Variants in CALN1 observed in about 807,000 individuals in gnomAD.
CALN1 encodes the protein calcium-binding protein 8.
A neutral mutation model predicts 30.6 loss-of-function variants in CALN1; 17 were observed. That is an observed-to-expected ratio of 0.56 (90% confidence interval 0.38 to 0.83). CALN1 has a LOEUF of 0.83. Ranked by LOEUF, CALN1 falls within the 40% of genes least tolerant of loss-of-function variation. CALN1 has a pLI of 0.00. For missense variants in CALN1, 291 were observed against 354.9 expected (o/e 0.82, Z 1.45); for synonymous variants, 156 against 131.4 (o/e 1.19, Z -1.28).
At chr7:72,256,131 T>G (rs1795897843) in intron 3 of CALN1, among the ~76,000 whole-genome samples, 1 of 152,198 alleles carries the variant, frequency 6.6e-6, no homozygotes, top group Non-Finnish European at 1.5e-5. Context: ...TGGGGGCTTT[T>G]TTGCCCCTAC....
At chr7:72,058,171 A>G (rs1803389566) in intron 4 of CALN1, among the ~76,000 whole-genome samples, 1 of 152,170 alleles carries the variant, frequency 6.6e-6, no homozygotes, top group African/African-American at 2.4e-5. Flanking sequence ...CGTGCTACCA[A>G]GTCTTATCCA....
chr7:72,006,933 T>A (rs1374388804), intron 5 of CALN1, among the ~76,000 whole-genome samples: 2 of 152,084 alleles, frequency 1.3e-5, no homozygotes, highest in African/African-American at 4.8e-5. Context: ...CAGCAACCAA[T>A]GATGTACTTT....
At chr7:71,957,812 C>T (rs1270613582) in intron 5 of CALN1, among the ~76,000 whole-genome samples, 3 of 152,094 alleles carry the variant, frequency 2.0e-5, no homozygotes, top group Non-Finnish European at 2.9e-5. Context: ...CACTTCTAAT[C>T]CCAGCACTTT....
At chr7:72,156,055 T>TA (rs1162714280) in intron 3 of CALN1, among the ~76,000 whole-genome samples, 2 of 152,118 alleles carry the variant, frequency 1.3e-5, no homozygotes, top group East Asian at 3.9e-4. Flanking sequence ...GAAGGTAACA[T>TA]ATTCAGAGGT....
intron 5 of CALN1, among the ~76,000 whole-genome samples, chr7:71,814,881 T>A (rs913046213): frequency 6.6e-6 from 1 of 151,092 alleles, no homozygotes; most frequent in Non-Finnish European, 1.5e-5. Context: ...TCCCCCACCC[T>A]GGAGTGCAGT....
intron 1 of CALN1, among the ~76,000 whole-genome samples, chr7:72,437,927 T>C (rs557388060): frequency 2.8e-5 from 4 of 143,482 alleles, no homozygotes; most frequent in South Asian, 2.6e-4. Flanking sequence ...CTCTCTCCCT[T>C]CCTTCCCTCT....
chr7:72,183,133 G>A (rs1299705432), intron 3 of CALN1, among the ~76,000 whole-genome samples: 3 of 151,506 alleles, frequency 2.0e-5, no homozygotes, highest in African/African-American at 7.3e-5. Flanking sequence ...GTGTGATCTC[G>A]GCTCACTGCA....
chr7:72,104,725 G>A (rs889890437), intron 4 of CALN1, among the ~76,000 whole-genome samples: 38 of 152,266 alleles, frequency 2.5e-4, no homozygotes, highest in Admixed American at 1.0e-3. Flanking sequence ...TTGGGAGGCC[G>A]AGGTGGGCAG....
At chr7:71,931,012 A>C (rs1234361870) in intron 5 of CALN1, among the ~76,000 whole-genome samples, 1 of 152,176 alleles carries the variant, frequency 6.6e-6, no homozygotes, top group Non-Finnish European at 1.5e-5. Flanking sequence ...ACAAATATTT[A>C]GGCTTTGTGT....
intron 2 of CALN1, among the ~76,000 whole-genome samples, chr7:72,399,233 C>T (rs1447871011): frequency 1.3e-5 from 2 of 150,800 alleles, no homozygotes; most frequent in African/African-American, 2.4e-5. Flanking sequence ...GGTGTCCCTA[C>T]CTCTACAGTC....
chr7:72,377,322 ATT>A lies in CALN1; in HGVS notation c.119+25927_119+25928del, dbSNP rs1804620164. ...TATATTTTCCTTCAGCTTTTTAAAC[ATT>A]TTACACATAGCTGATTAAAGTCTTT... On this transcript the variant is annotated intron_variant, in intron 2 of 6. Transcript: ENST00000395275. 3.3e-5 allele frequency among the ~76,000 whole-genome samples: 5 copies of A among 152,020 alleles called. No individual in the cohort carries two copies. In the South Asian group the frequency reaches 1.0e-3, roughly 32 times the overall value.
the CALN1 span, among the ~76,000 whole-genome samples, chr7:72,484,756 C>G: frequency 6.6e-6 from 1 of 152,226 alleles, no homozygotes; most frequent in Admixed American, 6.5e-5. Flanking sequence ...TCCCACAACA[C>G]TGCCTGAGTA....
At chr7:72,175,275 G>A (rs577448040) in intron 3 of CALN1, among the ~76,000 whole-genome samples, 35 of 152,144 alleles carry the variant, frequency 2.3e-4, no homozygotes, top group African/African-American at 7.7e-4. Flanking sequence ...GGGTTTCACC[G>A]TGTTAGCCAG....
At chr7:72,099,419 C>T (rs1219320078) in intron 4 of CALN1, among the ~76,000 whole-genome samples, 1 of 151,832 alleles carries the variant, frequency 6.6e-6, no homozygotes, top group African/African-American at 2.4e-5. Flanking sequence ...TGGAGGATTC[C>T]CAGTTACAGA....
intron 4 of CALN1, among the ~76,000 whole-genome samples, chr7:72,102,004 G>A (rs1192908303): frequency 6.6e-6 from 1 of 152,126 alleles, no homozygotes; most frequent in Admixed American, 6.6e-5. Flanking sequence ...GAAACTTAAA[G>A]ATTATCAAAT....
At chr7:71,911,258 T>A (rs776349518) in intron 5 of CALN1, among the ~76,000 whole-genome samples, 1 of 152,200 alleles carries the variant, frequency 6.6e-6, no homozygotes, top group Non-Finnish European at 1.5e-5. Context: ...TTGCTGAGAA[T>A]CACATTAGCC....
chr7:71,817,950 C>T (rs1427424745), intron 5 of CALN1, among the ~76,000 whole-genome samples: 4 of 151,938 alleles, frequency 2.6e-5, no homozygotes, highest in Non-Finnish European at 5.9e-5. Flanking sequence ...ACTTGTTCTC[C>T]ATAAATTATT....
intron 1 of CALN1, among the ~76,000 whole-genome samples, chr7:72,438,969 A>G (rs1808260749): frequency 6.6e-6 from 1 of 152,202 alleles, no homozygotes; most frequent in African/African-American, 2.4e-5. Context: ...AATACAGTTG[A>G]ACCTCAAACC....
chr7:72,273,514 T>C (rs911559722), intron 3 of CALN1, among the ~76,000 whole-genome samples: 2 of 122,428 alleles, frequency 1.6e-5, no homozygotes, highest in Non-Finnish European at 3.2e-5. Flanking sequence ...TTTTTTTTTT[T>C]TTTTTTCTTC....
Sources: gnomAD v4.1 joint callset for allele counts (sites outside exome capture counted in the v4.1 genomes callset) on GRCh38, gnomAD v4.1.1 for gene constraint, MANE v1.5 for transcripts, NCBI Gene and HGNC (gene_info 2026-07-23, HGNC 2026-07-21) for gene names.